LUZP2: variants seen among roughly 807,000 people sequenced by gnomAD.
LUZP2 encodes the protein leucine zipper protein 2.
Under a neutral mutation model 51.6 loss-of-function variants are expected in LUZP2, and 52 were observed. The ratio of observed to expected loss-of-function variants is 1.01; its 90% CI spans 0.81 to 1.27. LUZP2 has a LOEUF of 1.27. Ranked by LOEUF, LUZP2 falls within the 50% of genes most tolerant of loss-of-function variation. The pLI is 0.00. For synonymous variants in LUZP2, 154 were observed against 137.3 expected (o/e 1.12, Z -0.85); for missense variants, 436 against 395.4 (o/e 1.10, Z -0.87).
intron 1 of LUZP2, among the ~76,000 whole-genome samples, chr11:24,498,067 C>A (rs1849883401): frequency 6.6e-6 from 1 of 152,168 alleles, no homozygotes. Context: ...AGTTTTGTGA[C>A]TCCCCACTGT....
At chr11:24,502,091 TGAATGAGTTCATCC>T (rs892820001) in intron 1 of LUZP2, among the ~76,000 whole-genome samples, 3 of 141,924 alleles carry the variant, frequency 2.1e-5, no homozygotes, top group African/African-American at 9.0e-5. Context: ...TTGTAAGGAC[TGAATGAGTTCATCC>T]GTGGAAACAG....
At chr11:25,024,765 T>A (rs888097372) in intron 9 of LUZP2, among the ~76,000 whole-genome samples, 11 of 150,460 alleles carry the variant, frequency 7.3e-5, no homozygotes, top group African/African-American at 2.5e-4. Flanking sequence ...AAGCTACCAA[T>A]GACTTTCTTC....
chr11:25,034,967 C>T (rs1449955935), intron 9 of LUZP2, among the ~76,000 whole-genome samples: 2 of 151,996 alleles, frequency 1.3e-5, no homozygotes, highest in Non-Finnish European at 2.9e-5. Context: ...ACAGAAAAAG[C>T]TTCTGATAAA....
chr11:24,915,806 G>A (rs1853772481), intron 7 of LUZP2, among the ~76,000 whole-genome samples: 1 of 151,680 alleles, frequency 6.6e-6, no homozygotes, highest in Non-Finnish European at 1.5e-5. Context: ...AAAAAAAATG[G>A]TAAAAACCAC....
At chr11:24,716,053 T>C in intron 1 of LUZP2, among the ~76,000 whole-genome samples, 1 of 152,160 alleles carries the variant, frequency 6.6e-6, no homozygotes, top group Non-Finnish European at 1.5e-5. Flanking sequence ...AATGATATTG[T>C]AAAATGTCTA....
intron 9 of LUZP2, among the ~76,000 whole-genome samples, chr11:25,015,929 T>C (rs1857138982): frequency 6.8e-6 from 1 of 147,922 alleles, no homozygotes; most frequent in South Asian, 2.2e-4. Flanking sequence ...TACTTATTTA[T>C]TTTTTTTTTG....
At chr11:24,502,459 C>T (rs747628924) in intron 1 of LUZP2, among the ~76,000 whole-genome samples, 1 of 149,320 alleles carries the variant, frequency 6.7e-6, no homozygotes, top group Non-Finnish European at 1.5e-5. Flanking sequence ...ATCTCGGCTC[C>T]CTGCAATCTC....
chr11:24,622,405 A>G (rs559835147), intron 1 of LUZP2, among the ~76,000 whole-genome samples: 93 of 151,852 alleles, frequency 6.1e-4, no homozygotes, highest in Admixed American at 9.8e-4. Context: ...TGCAATCACC[A>G]TGTTTCCTAG....
chr11:24,631,550 G>C (rs1259901472), intron 1 of LUZP2, among the ~76,000 whole-genome samples: 5 of 151,700 alleles, frequency 3.3e-5, no homozygotes, highest in African/African-American at 1.2e-4. Flanking sequence ...AAATATCCTT[G>C]TATCCCTTCG....
At chr11:24,645,477 C>T (rs1855435550) in intron 1 of LUZP2, among the ~76,000 whole-genome samples, 1 of 152,048 alleles carries the variant, frequency 6.6e-6, no homozygotes, top group Admixed American at 6.6e-5. Context: ...ATATAAAAGA[C>T]ACTAGAATTA....
At chr11:24,666,702 T>C (rs1263890361) in intron 1 of LUZP2, among the ~76,000 whole-genome samples, 1 of 152,186 alleles carries the variant, frequency 6.6e-6, no homozygotes, top group Admixed American at 6.5e-5. Flanking sequence ...AGTTTAATCA[T>C]GGGAAGGGCA....
intron 5 of LUZP2, among the ~76,000 whole-genome samples, chr11:24,905,486 C>A (rs549192205): frequency 6.6e-6 from 1 of 152,160 alleles, no homozygotes; most frequent in South Asian, 2.1e-4. Context: ...TGAGATCATA[C>A]CATTGCACTC....
rs758668573 is a variant in LUZP2, at chr11:24,860,431, A to G, written c.397-45560A>G. On this transcript the variant is annotated intron_variant, in intron 5 of 11. Coordinates refer to ENST00000336930, the MANE Select transcript of LUZP2 (RefSeq NM_001009909.4). ...TTTCCCCCCAGTGAAGCACAGCCCC[A>G]CCACCAAAGGACAAAGTGCTTCATT... is the stretch of plus-strand genomic sequence containing the variant. 4.6e-5 allele frequency among the ~76,000 whole-genome samples: 7 copies of G among 152,158 alleles called. No individual in the cohort carries two copies. The East Asian group carries it at 5.8e-4, about 13-fold the overall frequency.
At chr11:24,579,455 T>G (rs1035349688) in intron 1 of LUZP2, among the ~76,000 whole-genome samples, 12 of 152,114 alleles carry the variant, frequency 7.9e-5, no homozygotes, top group African/African-American at 2.9e-4. Flanking sequence ...TCTTCTATTT[T>G]TATAGAGCAT....
intron 1 of LUZP2, among the ~76,000 whole-genome samples, chr11:24,499,066 A>C (rs1026313794): frequency 6.6e-6 from 1 of 152,180 alleles, no homozygotes; most frequent in Non-Finnish European, 1.5e-5. Flanking sequence ...GATAGGGATA[A>C]ATTTCTTTAA....
chr11:24,656,682 C>G (rs893467269), intron 1 of LUZP2, among the ~76,000 whole-genome samples: 9 of 152,270 alleles, frequency 5.9e-5, no homozygotes, highest in Admixed American at 5.2e-4. Context: ...TGGAAGTTGG[C>G]TGAGTGCCAT....
At chr11:24,999,570 G>A (rs1221661257) in intron 9 of LUZP2, among the ~76,000 whole-genome samples, 2 of 152,118 alleles carry the variant, frequency 1.3e-5, no homozygotes, top group Non-Finnish European at 2.9e-5. Flanking sequence ...GTTTTACCAT[G>A]TTGACCAGGA....
chr11:24,513,690 G>C (rs999427114), intron 1 of LUZP2, among the ~76,000 whole-genome samples: 1 of 152,170 alleles, frequency 6.6e-6, no homozygotes, highest in Non-Finnish European at 1.5e-5. Context: ...ACTATACTCT[G>C]ATTCTAAAGC....
At chr11:24,923,123 C>G (rs1854122564) in intron 7 of LUZP2, among the ~76,000 whole-genome samples, 1 of 151,762 alleles carries the variant, frequency 6.6e-6, no homozygotes, top group African/African-American at 2.4e-5. Context: ...TCTGGGATGA[C>G]CGGCGTGAGC....
Sources: gnomAD v4.1 joint callset for allele counts (sites outside exome capture counted in the v4.1 genomes callset) on GRCh38, gnomAD v4.1.1 for gene constraint, MANE v1.5 for transcripts, NCBI Gene and HGNC (gene_info 2026-07-23, HGNC 2026-07-21) for gene names.